NLRC3: variants seen among roughly 807,000 people sequenced by gnomAD.
NLRC3 encodes the protein NLR family CARD domain-containing protein 3.
Under a neutral mutation model 91.6 loss-of-function variants are expected in NLRC3, and 87 were observed. That is an observed-to-expected ratio of 0.95 (90% CI 0.80 to 1.14). The LOEUF (loss-of-function observed/expected upper bound fraction) is 1.14. Among genes scored for constraint, NLRC3 ranks in the 50% most tolerant of loss-of-function variants. NLRC3 has a pLI of 0.00. For missense variants in NLRC3, 1,577 were observed against 1,418.6 expected (o/e 1.11, Z -1.79); for synonymous variants, 694 against 625.3 (o/e 1.11, Z -1.64).
intron 1 of NLRC3, among the ~76,000 whole-genome samples, chr16:3,570,959 C>A (rs1434562154): frequency 6.6e-6 from 1 of 152,014 alleles, no homozygotes; most frequent in Admixed American, 6.6e-5. Flanking sequence ...ATACAGTCTT[C>A]CATTTGTATT....
chr16:3,545,856 G>C (rs2038665066), intron 15 of NLRC3: 1 of 152,320 alleles, frequency 6.6e-6, no homozygotes, highest in African/African-American at 2.4e-5. Context: ...AAGCCACCCT[G>C]AGGGGCTGTG....
At chr16:3,562,503 T>C (rs1239103864) in intron 5 of NLRC3, among the ~76,000 whole-genome samples, 2 of 152,048 alleles carry the variant, frequency 1.3e-5, no homozygotes, top group Non-Finnish European at 2.9e-5. Flanking sequence ...TAGCCAGGCA[T>C]GATGGCGGGC....
chr16:3,568,656 G>C (rs1412699419), intron 1 of NLRC3, among the ~76,000 whole-genome samples: 1 of 152,208 alleles, frequency 6.6e-6, no homozygotes, highest in East Asian at 1.9e-4. Flanking sequence ...GAGCCTGGGA[G>C]GTTGAGGCTG....
intron 16 of NLRC3, chr16:3,543,741 G>C (rs190544570): frequency 5.4e-6 from 3 of 553,712 alleles, no homozygotes; most frequent in African/African-American, 1.9e-5. Flanking sequence ...GGAAGGGCTC[G>C]GGGAGAATGC....
chr16:3,576,912 C>T (rs968549855), intron 1 of NLRC3, among the ~76,000 whole-genome samples: 4 of 152,176 alleles, frequency 2.6e-5, no homozygotes, highest in South Asian at 2.1e-4. Context: ...TCAAGTGATC[C>T]GCCCACCTTG....
At chr16:3,556,318 CAAAAAAAAAAAAAAAAAAAA>C (rs199528753) in intron 8 of NLRC3, among the ~76,000 whole-genome samples, 450 of 38,788 alleles carry the variant, frequency 0.012, 9 homozygotes, top group Middle Eastern at 0.033. Flanking sequence ...GAATCCGTCT[CAAAAAAAAAAAAAAAAAAAA>C]AAAAAAAAAA....
At chr16:3,545,520 AAAAT>A (rs2151082075) in intron 15 of NLRC3, 1 of 152,240 alleles carries the variant, frequency 6.6e-6, no homozygotes, top group East Asian at 1.9e-4. Flanking sequence ...AATGAAAAAA[AAAAT>A]AAGAAAGACA....
chr16:3,548,719 G>C lies in NLRC3; in HGVS notation c.2638C>G (p.Arg880Gly), dbSNP rs368131583. ...TCTCTCACTGCCACTGCGATGGCCC[G>C]GGCACCCTGGTCGTGGAGGAGGTTG... ...TANLLHDQGA[R>G]AIAVAVRENR... The change falls in exon 14 of 20, where the codon CGG becomes GGG. Residue 880 changes from arginine to glycine, a missense_variant. By Grantham distance (125) the Arg-to-Gly change is moderately radical. Coordinates refer to ENST00000359128, the MANE Select transcript of NLRC3 (RefSeq NM_178844.4). 5 of 1,604,366 alleles carry C rather than the reference G, an allele frequency of 3.1e-6. No individual in the cohort carries two copies. In the South Asian group the frequency reaches 4.5e-5, roughly 14 times the overall value.
intron 1 of NLRC3, among the ~76,000 whole-genome samples, chr16:3,571,551 A>C (rs1003473375): frequency 1.3e-5 from 2 of 151,518 alleles, no homozygotes; most frequent in Admixed American, 6.6e-5. Flanking sequence ...CTTTAAAAAA[A>C]AAAAAAAAAA....
At chr16:3,549,005 G>A (rs2038850647) in intron 13 of NLRC3, 137 bp downstream of exon 13, 1 of 724,172 alleles carries the variant, frequency 1.4e-6, no homozygotes, top group East Asian at 2.7e-5. Context: ...CCCGATGTCA[G>A]GTCTCCTGGC....
At chr16:3,561,345 G>A (rs1457216658) in intron 6 of NLRC3, among the ~76,000 whole-genome samples, 1 of 152,112 alleles carries the variant, frequency 6.6e-6, no homozygotes, top group Non-Finnish European at 1.5e-5. Flanking sequence ...AGACTGTCTG[G>A]GGGGGATAAT....
chr16:3,565,187 C>A, intron 3 of NLRC3, 127 bp from the exon 4 acceptor site: 1 of 755,100 alleles, frequency 1.3e-6, no homozygotes, highest in South Asian at 1.6e-5. Flanking sequence ...TTTGGGTGGC[C>A]CACTGGCCTG....
At chr16:3,549,625 C>T (rs981228281) in intron 12 of NLRC3, 72 bp downstream of exon 12, 26 of 1,152,968 alleles carry the variant, frequency 2.3e-5, no homozygotes, top group Non-Finnish European at 3.0e-5. Context: ...ACAGGCTTCC[C>T]AGTGCCAAGT....
chr16:3,563,422 T>C lies in NLRC3; in HGVS notation c.1515A>G (p.Ala505=), dbSNP rs1216060887. The part of the protein sequence containing the change: ...FRSAAQRAMQ[A]EDGRLDVFLR... ...GGAACACGTCCAGCCTCCCGTCCTC[T>C]GCCTGCATGGCCCGCTGGGCTGCGC... Residue 505 remains alanine (A), a synonymous_variant, in exon 5 of 20, where the codon GCA becomes GCG. Coordinates refer to ENST00000359128, the MANE Select transcript of NLRC3 (RefSeq NM_178844.4). 1.9e-6 allele frequency: 3 copies of C among 1,576,108 alleles called. No individual in the cohort carries two copies. Among genetic ancestry groups the C allele is most frequent in the Non-Finnish European group, 2.6e-6 (3 of 1,161,394 alleles).
intron 1 of NLRC3, among the ~76,000 whole-genome samples, chr16:3,567,771 C>CA (rs774868671): frequency 0.59 from 22,500 of 38,460 alleles, 7,291 homozygotes; most frequent in East Asian, 0.81. Flanking sequence ...GACTCCATCT[C>CA]AAAAAAAAAA....
At chr16:3,556,284 T>TCGCACCA (rs112886501) in intron 8 of NLRC3, among the ~76,000 whole-genome samples, 2 of 114,708 alleles carry the variant, frequency 1.7e-5, no homozygotes, top group African/African-American at 6.5e-5. Context: ...TGAGACAAGA[T>TCGCACCA]CTCCAGCCTG....
chr16:3,548,255 G>A (rs771261573), intron 14 of NLRC3, 37 bp from the exon 15 acceptor site: 1 of 1,512,106 alleles, frequency 6.6e-7, no homozygotes, highest in Non-Finnish European at 9.0e-7. Flanking sequence ...ATGTGACTAT[G>A]TGACTATGTG....
In NLRC3 at chr16:3,576,657, TTTTTGTTTTG is replaced by T. The variant is rs750230000; in HGVS notation, c.-169+482_-169+491del. Among the ~76,000 whole-genome samples, 8 of 152,178 alleles carry T rather than the reference TTTTTGTTTTG, an allele frequency of 5.3e-5. No individual in the cohort carries two copies. The South Asian group carries it at 6.3e-4, about 12-fold the overall frequency. On this transcript the variant is annotated intron_variant, in intron 1 of 19. Transcript: ENST00000359128. ...CTTAGTTACCTGTTTTTTCTTTTCTTTTTTGTTTTGTTTTGTTTTGTTTTGGAGACAGTCT... is the reference window on the plus strand; with the variant it reads ...CTTAGTTACCTGTTTTTTCTTTTCTTTTTTGTTTTGTTTTGGAGACAGTCT...
chr16:3,549,363 G>A (rs2038876183), intron 12 of NLRC3, 138 bp from the exon 13 acceptor site: 2 of 700,892 alleles, frequency 2.9e-6, no homozygotes, highest in East Asian at 5.4e-5. Context: ...CTGGGCTGAG[G>A]TGTGAAGGAG....
Sources: allele counts gnomAD v4.1 joint callset (sites outside exome capture counted in the v4.1 genomes callset), GRCh38; gene constraint gnomAD v4.1.1; transcripts MANE v1.5; gene names NCBI Gene and HGNC (gene_info 2026-07-23, HGNC 2026-07-21).